Variants in SOX5 observed in about 807,000 individuals in gnomAD.
SOX5 encodes the protein transcription factor SOX-5.
SOX5 carries 9 observed loss-of-function variants against 92.0 expected under a neutral mutation model. The observed-to-expected ratio is 0.10, with a 90% confidence interval of 0.06 to 0.17. SOX5 has a LOEUF of 0.17. SOX5 is among the 10% of genes least tolerant of loss of function. SOX5 has a pLI of 1.00. For synonymous variants in SOX5, 344 were observed against 336.3 expected (o/e 1.02, Z -0.25); for missense variants, 642 against 944.5 (o/e 0.68, Z 4.20).
At chr12:23,811,450 C>A (rs1008633970) in intron 3 of SOX5, among the ~76,000 whole-genome samples, 9 of 152,058 alleles carry the variant, frequency 5.9e-5, no homozygotes, top group African/African-American at 1.9e-4. Flanking sequence ...TCCTGTCAGG[C>A]AGGGAAAGGA....
At chr12:24,275,883 C>T (rs1944377118) in intron 3 of SOX5, among the ~76,000 whole-genome samples, 1 of 151,960 alleles carries the variant, frequency 6.6e-6, no homozygotes, top group Admixed American at 6.6e-5. Flanking sequence ...ATTATTATTC[C>T]AAATTACTCT....
At position 24,273,249 on chromosome 12, in the gene SOX5, A is replaced by G. The variant is rs546095861; in HGVS notation, c.-77+3967T>C. ...ACTCCAGCCTGGGCCACCCAGTGAG[A>G]CGCGGTCTCAAAAAAAAGATTAGAC... On this transcript the variant is annotated intron_variant, in intron 3 of 4. Transcript: ENST00000446891. Among the ~76,000 whole-genome samples, 39 of 152,264 alleles carry G rather than the reference A, an allele frequency of 2.6e-4. No homozygotes were observed. The South Asian group carries it at 7.7e-3, about 30-fold the overall frequency.
chr12:24,447,344 C>T (rs1941638673), intron 1 of SOX5, among the ~76,000 whole-genome samples: 1 of 152,174 alleles, frequency 6.6e-6, no homozygotes, highest in Non-Finnish European at 1.5e-5. Context: ...AAGCCCCATC[C>T]ATCCATGAGG....
chr12:23,721,279 T>G (rs183007501), intron 6 of SOX5, among the ~76,000 whole-genome samples: 289 of 152,094 alleles, frequency 1.9e-3, no homozygotes, highest in Admixed American at 5.0e-3. Flanking sequence ...GAGATGGGGT[T>G]TCTCCATATT....
intron 2 of SOX5, among the ~76,000 whole-genome samples, chr12:23,857,835 C>T (rs1035523630): frequency 9.2e-5 from 14 of 151,626 alleles, no homozygotes; most frequent in South Asian, 4.2e-4. Context: ...CAGGTTCAAG[C>T]GATTCTCCTG....
intron 4 of SOX5, among the ~76,000 whole-genome samples, chr12:24,001,484 A>G (rs1462609023): frequency 1.3e-5 from 2 of 152,184 alleles, no homozygotes; most frequent in Non-Finnish European, 2.9e-5. Context: ...TTAAAAACAC[A>G]TTTCTAAATA....
chr12:23,804,078 T>C (rs1193421763), intron 3 of SOX5, among the ~76,000 whole-genome samples: 1 of 152,150 alleles, frequency 6.6e-6, no homozygotes, highest in Non-Finnish European at 1.5e-5. Flanking sequence ...AATTCCCTTA[T>C]TCAATGAACA....
intron 1 of SOX5, among the ~76,000 whole-genome samples, chr12:24,474,267 G>A (rs142465947): frequency 5.3e-5 from 8 of 152,146 alleles, no homozygotes; most frequent in African/African-American, 1.9e-4. Flanking sequence ...GGTTTAAAAG[G>A]TTTCTCAGAC....
chr12:24,513,663 C>A (rs1451554794), intron 1 of SOX5, among the ~76,000 whole-genome samples: 4 of 152,184 alleles, frequency 2.6e-5, no homozygotes, highest in African/African-American at 9.7e-5. Flanking sequence ...TAATTATAGT[C>A]TTCAGGATTA....
chr12:24,126,794 C>T (rs1311645300), intron 4 of SOX5, among the ~76,000 whole-genome samples: 3 of 152,110 alleles, frequency 2.0e-5, no homozygotes, highest in African/African-American at 7.2e-5. Context: ...GCCCTCGGGA[C>T]TCTAGTATGC....
In SOX5 at chr12:24,087,374, AATTG is replaced by A. The variant is rs201386945; in HGVS notation, c.-2+125965_-2+125968del. On this transcript the variant is annotated intron_variant, in intron 4 of 4. Transcript: ENST00000446891. The stretch of plus-strand genomic sequence containing the variant: ...CACGTACATTCAAAGGAATAATAAT[AATTG>A]ATTATGTCTCTTACCTTTATTACTC... Among the ~76,000 whole-genome samples, 696 of 152,200 alleles carry A rather than the reference AATTG, an allele frequency of 4.6e-3. 3 individuals carry two copies. Among genetic ancestry groups the A allele is most frequent in the Middle Eastern group, 0.01 (3 of 294 alleles).
intron 3 of SOX5, among the ~76,000 whole-genome samples, chr12:24,258,765 CAT>C (rs1174272071): frequency 2.0e-5 from 3 of 152,136 alleles, no homozygotes; most frequent in Non-Finnish European, 2.9e-5. Flanking sequence ...GCAATAATAA[CAT>C]ATATTGAAGT....
chr12:23,976,999 A>T (rs1470953219), intron 4 of SOX5, among the ~76,000 whole-genome samples: 2 of 152,254 alleles, frequency 1.3e-5, no homozygotes, highest in South Asian at 2.1e-4. Context: ...TCCCAAATAT[A>T]CCAATATACC....
chr12:23,827,136 A>T (rs2096246947), intron 3 of SOX5, among the ~76,000 whole-genome samples: 1 of 152,198 alleles, frequency 6.6e-6, no homozygotes, highest in Non-Finnish European at 1.5e-5. Flanking sequence ...AAGGCCTGAG[A>T]ACAAATGGTA....
intron 1 of SOX5, among the ~76,000 whole-genome samples, chr12:23,896,317 C>T (rs1359328001): frequency 6.6e-6 from 1 of 152,096 alleles, no homozygotes; most frequent in Non-Finnish European, 1.5e-5. Flanking sequence ...AAGACCATTC[C>T]ATTTTAGAGG....
At chr12:24,429,394 A>G (rs1172482299) in intron 1 of SOX5, among the ~76,000 whole-genome samples, 1 of 152,104 alleles carries the variant, frequency 6.6e-6, no homozygotes, top group Non-Finnish European at 1.5e-5. Flanking sequence ...AATGCTATGT[A>G]GTGGGCAATC....
intron 4 of SOX5, among the ~76,000 whole-genome samples, chr12:24,122,987 TC>T (rs1948777918): frequency 6.6e-6 from 1 of 152,190 alleles, no homozygotes; most frequent in Admixed American, 6.5e-5. Flanking sequence ...AACATAAAGC[TC>T]CCCAACAAAA....
intron 1 of SOX5, among the ~76,000 whole-genome samples, chr12:23,939,315 A>C (rs1046228141): frequency 6.6e-6 from 1 of 151,060 alleles, no homozygotes; most frequent in African/African-American, 2.4e-5. Context: ...GGATATTTGC[A>C]CATTTCTCTT....
intron 1 of SOX5, among the ~76,000 whole-genome samples, chr12:24,402,094 T>A (rs1419525504): frequency 6.6e-6 from 1 of 152,160 alleles, no homozygotes; most frequent in Non-Finnish European, 1.5e-5. Context: ...CAGAGTAAAA[T>A]GAGGAGGTGC....
Sources: allele counts gnomAD v4.1 joint callset (sites outside exome capture counted in the v4.1 genomes callset), GRCh38; gene constraint gnomAD v4.1.1; transcripts MANE v1.5; gene names NCBI Gene and HGNC (gene_info 2026-07-23, HGNC 2026-07-21).